Variants in MDGA2 observed in about 807,000 individuals in gnomAD.
The protein encoded by MDGA2 is MAM domain-containing glycosylphosphatidylinositol anchor protein 2.
Under a neutral mutation model 117.8 loss-of-function variants are expected in MDGA2, and 40 were observed. That is an observed-to-expected ratio of 0.34 (90% confidence interval 0.26 to 0.44). MDGA2 has a LOEUF of 0.44. MDGA2 is among the 20% of genes least tolerant of loss of function. MDGA2 has a pLI of 1.00. For synonymous variants in MDGA2, 452 were observed against 439.0 expected (o/e 1.03, Z -0.37); for missense variants, 1,123 against 1,250.6 (o/e 0.90, Z 1.54).
intron 1 of MDGA2, chr14:47,343,039 A>G (rs1030759856): frequency 1.1e-4 from 144 of 1,283,430 alleles, no homozygotes; most frequent in Admixed American, 5.3e-4. Flanking sequence ...AGCAGGCAGC[A>G]CTACCGTGAG....
chr14:46,954,933 C>T (rs1321978667), intron 9 of MDGA2, among the ~76,000 whole-genome samples: 1 of 151,990 alleles, frequency 6.6e-6, no homozygotes, highest in Non-Finnish European at 1.5e-5. Flanking sequence ...TTTTGTTCAT[C>T]CTCCATCTAT....
chr14:47,611,678 T>C (rs575646773), intron 1 of MDGA2, among the ~76,000 whole-genome samples: 46 of 152,186 alleles, frequency 3.0e-4, no homozygotes, highest in South Asian at 1.2e-3. Flanking sequence ...CCTGCCAAAA[T>C]GGCCATAATC....
chr14:46,901,429 G>A (rs1297161199), intron 10 of MDGA2, among the ~76,000 whole-genome samples: 1 of 152,136 alleles, frequency 6.6e-6, no homozygotes, highest in Non-Finnish European at 1.5e-5. Flanking sequence ...AATCGGACTG[G>A]CATGCTTCTT....
chr14:46,880,029 TA>T (rs1875991355), intron 11 of MDGA2, among the ~76,000 whole-genome samples: 1 of 152,080 alleles, frequency 6.6e-6, no homozygotes, highest in South Asian at 2.1e-4. Flanking sequence ...TAATCAGTGA[TA>T]AAAAGAATCA....
intron 8 of MDGA2, among the ~76,000 whole-genome samples, chr14:47,005,357 T>C (rs553941210): frequency 4.2e-4 from 64 of 151,736 alleles, no homozygotes; most frequent in African/African-American, 1.3e-3. Flanking sequence ...GGGGCACTTA[T>C]TGAAAGAAGC....
chr14:47,460,317 G>A (rs1032934530), intron 1 of MDGA2, among the ~76,000 whole-genome samples: 3 of 152,210 alleles, frequency 2.0e-5, no homozygotes, highest in Admixed American at 2.0e-4. Flanking sequence ...GAAAAAAAGA[G>A]TAAAGAAGGT....
chr14:47,050,805 C>T (rs1889431636), intron 7 of MDGA2, among the ~76,000 whole-genome samples: 1 of 151,902 alleles, frequency 6.6e-6, no homozygotes, highest in African/African-American at 2.4e-5. Context: ...ATTAAAGATA[C>T]TTGCATTGGT....
At chr14:46,856,560 T>A (rs1881276554) in intron 14 of MDGA2, among the ~76,000 whole-genome samples, 1 of 152,140 alleles carries the variant, frequency 6.6e-6, no homozygotes, top group Non-Finnish European at 1.5e-5. Flanking sequence ...AGGCATTATA[T>A]AATTTTTGTG....
chr14:47,509,189 A>C (rs1314527373), intron 1 of MDGA2, among the ~76,000 whole-genome samples: 4 of 152,264 alleles, frequency 2.6e-5, no homozygotes, highest in Non-Finnish European at 5.9e-5. Flanking sequence ...GTCTACATTG[A>C]GTAATTAAGT....
At chr14:47,224,289 A>AGATATAGATATAGATATAGAT (rs1886401186) in intron 2 of MDGA2, among the ~76,000 whole-genome samples, 1 of 129,990 alleles carries the variant, frequency 7.7e-6, no homozygotes, top group Admixed American at 7.5e-5. Context: ...AGTCTGATAT[A>AGATATAGATATAGATATAGAT]GATATAGATA....
intron 1 of MDGA2, among the ~76,000 whole-genome samples, chr14:47,537,574 T>TAA (rs58060138): frequency 2.5e-4 from 9 of 36,622 alleles, no homozygotes; most frequent in Admixed American, 4.3e-4. Context: ...TTCTCTCTGT[T>TAA]AAAAAAAAAA....
chr14:46,852,432 A>C, intron 15 of MDGA2, among the ~76,000 whole-genome samples: 1 of 151,800 alleles, frequency 6.6e-6, no homozygotes, highest in Admixed American at 6.6e-5. Context: ...TGAGGAGATG[A>C]GAGTTCAAAA....
intron 10 of MDGA2, among the ~76,000 whole-genome samples, chr14:46,911,816 A>T (rs1883716418): frequency 6.6e-6 from 1 of 152,242 alleles, no homozygotes; most frequent in African/African-American, 2.4e-5. Flanking sequence ...AGCTATACGT[A>T]CATTTAAGAA....
intron 8 of MDGA2, among the ~76,000 whole-genome samples, chr14:47,019,703 G>A (rs909713380): frequency 6.6e-6 from 1 of 151,954 alleles, no homozygotes; most frequent in East Asian, 1.9e-4. Flanking sequence ...AATTAGCCGG[G>A]CGTGGTGGCG....
chr14:47,041,554 G>T (rs1472269462), intron 7 of MDGA2, among the ~76,000 whole-genome samples: 1 of 151,518 alleles, frequency 6.6e-6, no homozygotes, highest in Non-Finnish European at 1.5e-5. Flanking sequence ...ATATTTTTTT[G>T]CCTGAAATAC....
intron 6 of MDGA2, among the ~76,000 whole-genome samples, chr14:47,076,528 GTA>G (rs1372963727): frequency 6.8e-6 from 1 of 147,610 alleles, no homozygotes. Context: ...CAATATATGT[GTA>G]TGAGTGTGTG....
intron 9 of MDGA2, among the ~76,000 whole-genome samples, chr14:46,940,077 T>C (rs563852502): frequency 1.4e-4 from 22 of 152,304 alleles, no homozygotes; most frequent in African/African-American, 4.6e-4. Context: ...GGAGGACTTA[T>C]TGCAAAAGGG....
chr14:47,357,153 T>A (rs936826451), intron 1 of MDGA2, among the ~76,000 whole-genome samples: 1 of 152,304 alleles, frequency 6.6e-6, no homozygotes. Flanking sequence ...TTGTACATAA[T>A]GTAATATACC....
intron 2 of MDGA2, among the ~76,000 whole-genome samples, chr14:47,280,953 T>C (rs1184979311): frequency 1.4e-5 from 2 of 147,796 alleles, no homozygotes; most frequent in African/African-American, 4.9e-5. Flanking sequence ...AATAATATAA[T>C]ATATAAGGTA....
Sources: allele counts gnomAD v4.1 joint callset (sites outside exome capture counted in the v4.1 genomes callset), GRCh38; gene constraint gnomAD v4.1.1; transcripts MANE v1.5; gene names NCBI Gene and HGNC (gene_info 2026-07-23, HGNC 2026-07-21).